The following DPYS variants were observed in gnomAD, a reference collection of about 807,000 sequenced individuals.
DPYS encodes dihydropyrimidinase, also known as dihydropyrimidine amidohydrolase.
Under a neutral mutation model 50.3 loss-of-function variants are expected in DPYS, and 39 were observed. The observed-to-expected ratio is 0.78, with a 90% confidence interval of 0.60 to 1.01. The LOEUF is 1.01. Ranked by LOEUF, DPYS falls within the 50% of genes least tolerant of loss-of-function variation. The pLI, the probability that DPYS is intolerant of heterozygous loss-of-function variation, is 0.00. For synonymous variants in DPYS, 245 were observed against 250.7 expected, an observed-to-expected ratio of 0.98 and a Z score of 0.22; for missense variants, 659 against 680.9, an observed-to-expected ratio of 0.97 and a Z score of 0.36.
chr8:104,463,510 C>G (rs1366559372), intron 1 of DPYS, among the ~76,000 whole-genome samples: 1 of 152,244 alleles, frequency 6.6e-6, no homozygotes, highest in Non-Finnish European at 1.5e-5. Context: ...ACAGCTTTAG[C>G]GACGGGGTCA....
At chr8:104,399,819 A>T (rs1292874532) in intron 7 of DPYS, among the ~76,000 whole-genome samples, 1 of 139,462 alleles carries the variant, frequency 7.2e-6, no homozygotes, top group Non-Finnish European at 1.5e-5. Context: ...CAGTGAGCCG[A>T]GATCGCACCA....
intron 1 of DPYS, among the ~76,000 whole-genome samples, chr8:104,461,815 C>T (rs569764126): frequency 6.6e-6 from 1 of 152,126 alleles, no homozygotes; most frequent in South Asian, 2.1e-4. Flanking sequence ...TCATTATCCT[C>T]AGAGAGGATA....
intron 1 of DPYS, among the ~76,000 whole-genome samples, chr8:104,465,696 T>C (rs1814352337): frequency 6.6e-6 from 1 of 152,204 alleles, no homozygotes; most frequent in South Asian, 2.1e-4. Context: ...AAAAAAAATC[T>C]CATAATGTTT....
rs141908179 is a variant in DPYS, at chr8:104,395,248, C to T, written c.1236-2257G>A. Among the ~76,000 whole-genome samples the T allele has an allele frequency of 2.5e-3, 376 of 152,336 alleles. 1 individual carries two copies. The highest frequency in any genetic ancestry group is 0.01 in the Middle Eastern group (3 of 294). Reference sequence around the variant, plus strand: ...TCCAAGGCTCAAGCAATCCACCCACCTTGGCTTTCCAAAGTGTTGGGATTA... The same window carrying T: ...TCCAAGGCTCAAGCAATCCACCCACTTTGGCTTTCCAAAGTGTTGGGATTA... On this transcript the variant is annotated intron_variant, in intron 7 of 9. Transcript: ENST00000351513.
At chr8:104,409,099 CAT>C (rs918973964) in intron 7 of DPYS, among the ~76,000 whole-genome samples, 5 of 151,836 alleles carry the variant, frequency 3.3e-5, no homozygotes, top group Admixed American at 1.3e-4. Flanking sequence ...CCCGGCCACA[CAT>C]GTTTAATGGC....
intron 1 of DPYS, among the ~76,000 whole-genome samples, chr8:104,461,999 G>T (rs1188683882): frequency 6.6e-6 from 1 of 151,992 alleles, no homozygotes; most frequent in Non-Finnish European, 1.5e-5. Flanking sequence ...AAAATTATAG[G>T]TGATTTAAAT....
At position 104,453,391 on chromosome 8, in the gene DPYS, T is replaced by C. The variant is rs560677697; in HGVS notation, c.265-1987A>G. 4.6e-5 allele frequency among the ~76,000 whole-genome samples: 7 copies of C among 152,354 alleles called. No individual in the cohort carries two copies. In the East Asian group the frequency reaches 1.3e-3, roughly 29 times the overall value. On this transcript the variant is annotated intron_variant, in intron 1 of 9. Transcript: ENST00000351513. ...CTTCTTACCTTCTTCCTTCTAAAAG[T>C]GTCTTCCCAGTATGACAAGACATCC...
At chr8:104,413,434 A>C (rs1257014487) in intron 7 of DPYS, among the ~76,000 whole-genome samples, 1 of 152,058 alleles carries the variant, frequency 6.6e-6, no homozygotes, top group Non-Finnish European at 1.5e-5. Flanking sequence ...GTAGTTGTTG[A>C]GATGAGGAAG....
chr8:104,444,565 T>C, intron 3 of DPYS, 128 bp from the exon 4 acceptor site: 1 of 764,582 alleles, frequency 1.3e-6, no homozygotes, highest in East Asian at 2.9e-5. Context: ...TGTGTGTGTC[T>C]GTGTGTGTGT....
intron 7 of DPYS, chr8:104,420,394 T>C (rs933055152): frequency 6.6e-6 from 1 of 152,158 alleles, no homozygotes; most frequent in Non-Finnish European, 1.5e-5. Context: ...GGGCTCAGCA[T>C]ACAGTTTCTG....
At chr8:104,403,786 C>T (rs1811905636) in intron 7 of DPYS, among the ~76,000 whole-genome samples, 1 of 152,122 alleles carries the variant, frequency 6.6e-6, no homozygotes, top group African/African-American at 2.4e-5. Context: ...GAAGGAAAGT[C>T]TACAGTCAAG....
intron 8 of DPYS, among the ~76,000 whole-genome samples, chr8:104,387,212 A>T (rs1811238387): frequency 6.6e-6 from 1 of 152,236 alleles, no homozygotes; most frequent in Admixed American, 6.5e-5. Context: ...AGAAAGCCCT[A>T]GGTGCAACAG....
chr8:104,412,337 A>G (rs1270256653), intron 7 of DPYS, among the ~76,000 whole-genome samples: 1 of 152,200 alleles, frequency 6.6e-6, no homozygotes, highest in African/African-American at 2.4e-5. Flanking sequence ...CTTCTATGTG[A>G]TGAGCTCAGA....
At chr8:104,435,660 A>C (rs1813113434) in intron 4 of DPYS, among the ~76,000 whole-genome samples, 1 of 152,036 alleles carries the variant, frequency 6.6e-6, no homozygotes, top group East Asian at 1.9e-4. Context: ...TATTTCTGTA[A>C]CCTGCTTTTC....
chr8:104,461,154 A>T (rs1048966347), intron 1 of DPYS, among the ~76,000 whole-genome samples: 8 of 150,514 alleles, frequency 5.3e-5, no homozygotes, highest in Non-Finnish European at 1.5e-5. Context: ...TTAGCTGGGC[A>T]TGGTGGCGTG....
intron 7 of DPYS, among the ~76,000 whole-genome samples, chr8:104,406,549 G>A (rs570760394): frequency 1.3e-5 from 2 of 152,162 alleles, no homozygotes; most frequent in South Asian, 4.2e-4. Flanking sequence ...CACATACCCA[G>A]GGCAAAGGCA....
intron 2 of DPYS, among the ~76,000 whole-genome samples, chr8:104,449,575 G>T (rs1245936267): frequency 6.6e-6 from 1 of 152,180 alleles, no homozygotes; most frequent in East Asian, 1.9e-4. Flanking sequence ...CCCCTTGTTT[G>T]GAAATAGAGT....
intron 6 of DPYS, among the ~76,000 whole-genome samples, chr8:104,426,128 G>T (rs546356869): frequency 6.6e-6 from 1 of 152,126 alleles, no homozygotes; most frequent in African/African-American, 2.4e-5. Flanking sequence ...GTGGAGGAAG[G>T]GGGGTGAGGA....
chr8:104,423,669 T>A (rs1812625173), intron 7 of DPYS, among the ~76,000 whole-genome samples: 1 of 152,112 alleles, frequency 6.6e-6, no homozygotes, highest in Non-Finnish European at 1.5e-5. Context: ...AAGGAGACAA[T>A]AACAGAGCTC....
Sources: allele counts gnomAD v4.1 joint callset (sites outside exome capture counted in the v4.1 genomes callset), GRCh38; gene constraint gnomAD v4.1.1; transcripts MANE v1.5; gene names NCBI Gene and HGNC (gene_info 2026-07-23, HGNC 2026-07-21).